Variants in PCDH9 observed in about 807,000 individuals in gnomAD.
The protein encoded by PCDH9 is protocadherin-9.
A neutral mutation model predicts 70.6 loss-of-function variants in PCDH9; 24 were observed. That is an observed-to-expected ratio of 0.34 (90% CI 0.25 to 0.48). The LOEUF (loss-of-function observed/expected upper bound fraction) is 0.48, where lower values mean the gene tolerates loss of function less well. PCDH9 is among the 20% of genes least tolerant of loss of function. The pLI, the probability that PCDH9 is intolerant of heterozygous loss-of-function variation, is 0.99. For missense variants in PCDH9, 1,281 were observed against 1,503.6 expected (o/e 0.85, Z 2.45); for synonymous variants, 562 against 558.5 (o/e 1.01, Z -0.09).
intron 4 of PCDH9, among the ~76,000 whole-genome samples, chr13:66,503,909 C>G (rs2138566881): frequency 6.6e-6 from 1 of 152,294 alleles, no homozygotes; most frequent in African/African-American, 2.4e-5. Context: ...ATTAAGTCAA[C>G]AGAAGAGATA....
At chr13:66,323,178 G>A (rs1489102527) in intron 4 of PCDH9, 1 of 151,934 alleles carries the variant, frequency 6.6e-6, no homozygotes, top group African/African-American at 2.4e-5. Context: ...TTTTAGGTTT[G>A]ATGACTGGCT....
intron 4 of PCDH9, among the ~76,000 whole-genome samples, chr13:66,508,087 A>C (rs1490798075): frequency 6.6e-6 from 1 of 152,102 alleles, no homozygotes; most frequent in East Asian, 1.9e-4. Flanking sequence ...TTGTTCATGG[A>C]GTTGTCATAA....
intron 3 of PCDH9, among the ~76,000 whole-genome samples, chr13:66,824,572 T>C (rs923693662): frequency 7.0e-6 from 1 of 143,074 alleles, no homozygotes; most frequent in African/African-American, 2.6e-5. Flanking sequence ...GGAGAATTGC[T>C]TGAACCCAGG....
chr13:66,979,684 G>A (rs1389147456), intron 2 of PCDH9, among the ~76,000 whole-genome samples: 2 of 152,030 alleles, frequency 1.3e-5, no homozygotes, highest in Non-Finnish European at 2.9e-5. Flanking sequence ...TCTTGAAACA[G>A]CCACCTATTC....
At chr13:67,159,316 C>T (rs2087894496) in intron 2 of PCDH9, among the ~76,000 whole-genome samples, 1 of 152,110 alleles carries the variant, frequency 6.6e-6, no homozygotes, top group Non-Finnish European at 1.5e-5. Context: ...TGTGTAGAAA[C>T]ATAGAAACCA....
At chr13:66,310,571 A>G (rs1955544219) in intron 4 of PCDH9, among the ~76,000 whole-genome samples, 1 of 151,856 alleles carries the variant, frequency 6.6e-6, no homozygotes, top group Non-Finnish European at 1.5e-5. Flanking sequence ...ATTATTTGAA[A>G]CCCTTTAATA....
intron 2 of PCDH9, chr13:67,214,949 T>TATATATATATATATATATATATATAG (rs2089561279): frequency 1.5e-5 from 1 of 68,330 alleles, no homozygotes; most frequent in African/African-American, 4.4e-5. Flanking sequence ...TATATATATA[T>TATATATATATATATATATATATATAG]ATATATATAT....
intron 2 of PCDH9, among the ~76,000 whole-genome samples, chr13:67,099,313 A>T (rs2086385276): frequency 6.6e-6 from 1 of 152,236 alleles, no homozygotes; most frequent in Non-Finnish European, 1.5e-5. Flanking sequence ...TATTTGTCAA[A>T]TAATTAACGT....
intron 3 of PCDH9, among the ~76,000 whole-genome samples, chr13:66,898,516 T>G (rs1215149802): frequency 6.6e-6 from 1 of 152,024 alleles, no homozygotes; most frequent in Non-Finnish European, 1.5e-5. Flanking sequence ...CTGAACATAT[T>G]TATTTGTGTG....
chr13:66,949,868 A>T (rs1349581622), intron 2 of PCDH9, among the ~76,000 whole-genome samples: 1 of 152,116 alleles, frequency 6.6e-6, no homozygotes, highest in Non-Finnish European at 1.5e-5. Flanking sequence ...TAAATATATA[A>T]AAGAAAGAAA....
chr13:66,851,575 T>TCACACACA (rs59674873), intron 3 of PCDH9, among the ~76,000 whole-genome samples: 7,250 of 146,778 alleles, frequency 0.049, 245 homozygotes, highest in Non-Finnish European at 0.076. Context: ...CGCATCACCC[T>TCACACACA]CACACACACA....
At chr13:66,762,789 A>AC (rs1353036942) in intron 3 of PCDH9, among the ~76,000 whole-genome samples, 1 of 152,004 alleles carries the variant, frequency 6.6e-6, no homozygotes, top group East Asian at 1.9e-4. Context: ...ATATTATGAA[A>AC]CATAGACTAT....
intron 3 of PCDH9, among the ~76,000 whole-genome samples, chr13:66,854,460 C>T (rs144306446): frequency 3.9e-5 from 6 of 152,206 alleles, no homozygotes; most frequent in Middle Eastern, 3.4e-3. Flanking sequence ...TTGTAATGCA[C>T]AAATCAATAT....
At chr13:66,671,092 T>C (rs563461085) in intron 3 of PCDH9, among the ~76,000 whole-genome samples, 86 of 152,106 alleles carry the variant, frequency 5.7e-4, no homozygotes, top group African/African-American at 1.8e-3. Context: ...CTCAAGAGAT[T>C]TGATGGTTTT....
At chr13:67,014,607 C>A (rs552059523) in intron 2 of PCDH9, among the ~76,000 whole-genome samples, 1 of 151,038 alleles carries the variant, frequency 6.6e-6, no homozygotes, top group Admixed American at 6.6e-5. Flanking sequence ...ACTCAAAATT[C>A]TGCCCTGTCC....
rs199503776 is a variant in PCDH9, at chr13:66,739,679, G to A, written c.3139-108268C>T. Among the ~76,000 whole-genome samples the A allele has an allele frequency of 7.6e-4, 116 of 152,082 alleles. 2 individuals are homozygous for A. The East Asian group carries it at 0.022, about 28-fold the overall frequency. On this transcript the variant is annotated intron_variant, in intron 3 of 4. Transcript: ENST00000377865. ...AAGCAAATGGAAAACAAAAAAGGCA[G>A]GGTTTGCAATCCTAGTCTCTGATAA...
chr13:67,008,434 T>C (rs1486123965), intron 2 of PCDH9, among the ~76,000 whole-genome samples: 1 of 152,164 alleles, frequency 6.6e-6, no homozygotes, highest in African/African-American at 2.4e-5. Flanking sequence ...TTGTTTTGTT[T>C]TATTGTTATT....
intron 2 of PCDH9, among the ~76,000 whole-genome samples, chr13:66,937,605 T>C (rs1218990677): frequency 2.0e-5 from 3 of 152,334 alleles, no homozygotes; most frequent in Non-Finnish European, 4.4e-5. Context: ...GTGGATGAAC[T>C]GTAACCTAGC....
chr13:66,889,227 G>C (rs1749880591), intron 3 of PCDH9, among the ~76,000 whole-genome samples: 1 of 152,072 alleles, frequency 6.6e-6, no homozygotes, highest in African/African-American at 2.4e-5. Context: ...GTGTAGACTG[G>C]GTACCTCTGA....
Sources: allele counts gnomAD v4.1 joint callset (sites outside exome capture counted in the v4.1 genomes callset), GRCh38; gene constraint gnomAD v4.1.1; transcripts MANE v1.5; gene names NCBI Gene and HGNC (gene_info 2026-07-23, HGNC 2026-07-21).